PLAA: variants seen among roughly 807,000 people sequenced by gnomAD.
PLAA encodes phospholipase A-2-activating protein.
In PLAA, 48 loss-of-function variants were observed where a neutral mutation model predicts 84.1. The ratio of observed to expected loss-of-function variants is 0.57; its 90% CI spans 0.45 to 0.73. The LOEUF is 0.73. Ranked by LOEUF, PLAA falls within the 30% of genes least tolerant of loss-of-function variation. PLAA has a pLI of 0.00. For synonymous variants in PLAA, 392 were observed against 336.6 expected (o/e 1.16, Z -1.80); for missense variants, 903 against 954.7 (o/e 0.95, Z 0.71).
chr9:26,905,690 G>A lies in PLAA; in HGVS notation c.2209C>T (p.Gln737Ter), dbSNP rs760714036. ...AGTCTAAAAGTGGCTTCTAGGTCTT[G>A]TACTACTTCCAAGATTGTGCTAATT... ...SLISTILEVV[Q>*]DLEATFRLLV... The change falls in exon 14 of 14, where the codon CAA becomes TAA. Residue 737 changes from glutamine (Q) to a stop codon, truncating the protein, a stop_gained. Transcript: ENST00000397292. LOFTEE classifies it high-confidence loss of function. The A allele has an allele frequency of 6.2e-7, 1 of 1,614,198 alleles. No individual in the cohort carries two copies. Among genetic ancestry groups the A allele is most frequent in the South Asian group, 1.1e-5 (1 of 91,088 alleles).
At chr9:26,916,639 G>GT in intron 10 of PLAA, 1 of 989,550 alleles carries the variant, frequency 1.0e-6, no homozygotes, top group Non-Finnish European at 1.2e-6. Flanking sequence ...TTCTCTGCTC[G>GT]TGATTGGTAG....
Position 26,935,098 on chromosome 9 carries a change from G to A in PLAA, c.258C>T (p.Ala86=). The stretch of plus-strand genomic sequence containing the variant: ...ATATATTGTGGTCATTTCCACCGGT[G>A]GCAATTAGGCCATGAGGGTAGATGT... The part of the protein sequence containing the change: ...SSDIYPHGLI[A]TGGNDHNICI... Residue 86 remains alanine, a synonymous_variant, in exon 2 of 14, where the codon GCC becomes GCT. Coordinates refer to ENST00000397292, the MANE Select transcript of PLAA (RefSeq NM_001031689.3). 1 of 1,610,640 alleles carries A rather than the reference G, an allele frequency of 6.2e-7. No individual in the cohort carries two copies. Among genetic ancestry groups the A allele is most frequent in the Non-Finnish European group, 8.5e-7 (1 of 1,178,840 alleles).
chr9:26,921,796 T>A (rs915514902), intron 7 of PLAA, among the ~76,000 whole-genome samples: 4 of 152,210 alleles, frequency 2.6e-5, no homozygotes, highest in Non-Finnish European at 5.9e-5. Flanking sequence ...TGCATATTCA[T>A]ACAGTTTATT....
At chr9:26,921,611 T>A (rs1186387705) in intron 7 of PLAA, among the ~76,000 whole-genome samples, 2 of 152,234 alleles carry the variant, frequency 1.3e-5, no homozygotes, top group Non-Finnish European at 2.9e-5. Context: ...AAATACTAGT[T>A]TTTTAAACGC....
At chr9:26,913,834 A>C (rs755553703) in intron 11 of PLAA, 45 bp downstream of exon 11, 61 of 1,383,770 alleles carry the variant, frequency 4.4e-5, no homozygotes, top group Non-Finnish European at 5.9e-5. Flanking sequence ...GTTCCAACGA[A>C]TTTTTAAAAT....
At chr9:26,923,138 T>C in intron 7 of PLAA, 40 bp downstream of exon 7, 1 of 1,421,072 alleles carries the variant, frequency 7.0e-7, no homozygotes, top group East Asian at 2.3e-5. Flanking sequence ...AAAAGCCAAA[T>C]ATGGTGAATT....
intron 13 of PLAA, among the ~76,000 whole-genome samples, chr9:26,907,412 C>T (rs1824271060): frequency 6.6e-6 from 1 of 152,040 alleles, no homozygotes; most frequent in Admixed American, 6.6e-5. Flanking sequence ...GCCTATAGTC[C>T]CAGCTACTAA....
chr9:26,935,518 C>A (rs1825330737), intron 1 of PLAA, among the ~76,000 whole-genome samples: 1 of 152,188 alleles, frequency 6.6e-6, no homozygotes, highest in Non-Finnish European at 1.5e-5. Flanking sequence ...CACTTCTACA[C>A]ATTAGTGACT....
chr9:26,904,891 C>T lies in PLAA; in HGVS notation c.*620G>A, dbSNP rs1228983061. ...TAAATTGAGACCTCGTCTGTCTGAA[C>T]TGATACATGACTAACACAGCTTACC... On this transcript the variant is annotated 3_prime_UTR_variant, in exon 14 of 14. Transcript: ENST00000397292. 1 of 152,192 alleles carries T rather than the reference C, an allele frequency of 6.6e-6. No homozygotes were observed. Among genetic ancestry groups the T allele is most frequent in the Non-Finnish European group, 1.5e-5 (1 of 68,006 alleles). 9.4% of individuals were successfully genotyped at this position (152,192 alleles called of 1,614,324 possible). A position where few individuals can be genotyped will look rare whatever the true frequency, so the allele number is the denominator to read the frequency against.
intron 2 of PLAA, among the ~76,000 whole-genome samples, chr9:26,932,966 C>T (rs1039736910): frequency 6.6e-6 from 1 of 151,982 alleles, no homozygotes; most frequent in Non-Finnish European, 1.5e-5. Flanking sequence ...GAAATCCCAT[C>T]CCTACTAAAA....
intron 6 of PLAA, among the ~76,000 whole-genome samples, chr9:26,924,722 G>A (rs1053549985): frequency 1.3e-5 from 2 of 152,032 alleles, no homozygotes; most frequent in African/African-American, 4.8e-5. Flanking sequence ...CCTTTGTTCT[G>A]TTTAACCTAC....
At chr9:26,942,612 G>T (rs961290561) in intron 1 of PLAA, among the ~76,000 whole-genome samples, 12 of 143,210 alleles carry the variant, frequency 8.4e-5, no homozygotes, top group Non-Finnish European at 1.6e-4. Flanking sequence ...GCCGGGCATG[G>T]TGGCTCACGC....
In PLAA at chr9:26,906,726, C is replaced by A. The variant is rs1824249117; in HGVS notation, c.1823-650G>T. On this transcript the variant is annotated intron_variant, in intron 13 of 13. Coordinates refer to ENST00000397292, the MANE Select transcript of PLAA (RefSeq NM_001031689.3). Reference sequence around the variant, plus strand: ...TACAGGCATGAGCCACCGTGCCCAGCCGGAAAGTTCTTAAGAGAAGAATTC... The same window carrying A: ...TACAGGCATGAGCCACCGTGCCCAGACGGAAAGTTCTTAAGAGAAGAATTC... Among the ~76,000 whole-genome samples, 4 of 151,922 alleles carry A rather than the reference C, an allele frequency of 2.6e-5. No homozygotes were observed. The South Asian group carries it at 8.3e-4, about 32-fold the overall frequency.
intron 2 of PLAA, among the ~76,000 whole-genome samples, chr9:26,934,689 A>AG (rs1023206480): frequency 2.0e-5 from 3 of 151,968 alleles, no homozygotes; most frequent in African/African-American, 7.3e-5. Flanking sequence ...AATGTTTTCC[A>AG]GGCTGGTCCG....
At chr9:26,912,051 TA>T (rs1824416849) in intron 11 of PLAA, among the ~76,000 whole-genome samples, 1 of 152,098 alleles carries the variant, frequency 6.6e-6, no homozygotes. Flanking sequence ...TCCAAATAAG[TA>T]TAATGAAAAG....
rs1824222256 is a variant in PLAA at position 26,905,956 on chromosome 9, T to C, written c.1943A>G (p.Asn648Ser). The change falls in exon 14 of 14, where the codon AAC (asparagine) becomes AGC (serine). Residue 648 changes from asparagine to serine, a missense_variant. Coordinates refer to ENST00000397292, the MANE Select transcript of PLAA (RefSeq NM_001031689.3). ...CTGGTTTGCTGGCTTTCCTTTAGGG[T>C]TCAGAAGATTGATAAGATGACTGCT... is the stretch of plus-strand genomic sequence containing the variant. ...QFSSHLINLLNPKGKPANQLL... is the reference protein window; with the variant it reads ...QFSSHLINLLSPKGKPANQLL... The C allele has an allele frequency of 1.2e-6, 2 of 1,614,120 alleles. No individual in the cohort carries two copies. The highest frequency in any genetic ancestry group is 1.3e-5 in the African/African-American group (1 of 75,000).
chr9:26,946,991 G>T lies in PLAA; in HGVS notation c.55C>A (p.Leu19Met). 1 of 1,595,082 alleles carries T rather than the reference G, an allele frequency of 6.3e-7. No individual in the cohort carries two copies. The change falls in exon 1 of 14, where the codon CTG becomes ATG. Residue 19 changes from leucine (L) to methionine (M), a missense_variant. Transcript: ENST00000397292. ...CAGCACACCAGGCCCCGTACGTCCAGCTCGTGGCCCCGGAGCGAGCAGCTC... is the reference window on the plus strand; with the variant it reads ...CAGCACACCAGGCCCCGTACGTCCATCTCGTGGCCCCGGAGCGAGCAGCTC... ...RLSCSLRGHELDVRGLVCCAY... is the reference protein window; with the variant it reads ...RLSCSLRGHEMDVRGLVCCAY...
intron 4 of PLAA, among the ~76,000 whole-genome samples, chr9:26,927,382 C>T (rs185101412): frequency 1.1e-4 from 17 of 152,172 alleles, no homozygotes; most frequent in Non-Finnish European, 1.5e-4. Flanking sequence ...CTCAGCCTCC[C>T]GAAAGGCTGG....
At chr9:26,935,982 C>T (rs1369469558) in intron 1 of PLAA, among the ~76,000 whole-genome samples, 1 of 151,900 alleles carries the variant, frequency 6.6e-6, no homozygotes, top group Non-Finnish European at 1.5e-5. Context: ...CCTTACTTAA[C>T]AAGTTCAACC....
Sources: allele counts gnomAD v4.1 joint callset (sites outside exome capture counted in the v4.1 genomes callset), GRCh38; gene constraint gnomAD v4.1.1; transcripts MANE v1.5; gene names NCBI Gene and HGNC (gene_info 2026-07-23, HGNC 2026-07-21).